The following ARHGAP36 variants were observed in gnomAD, a reference collection of about 807,000 sequenced individuals.
ARHGAP36 encodes rho GTPase-activating protein 36.
ARHGAP36 carries 7 observed loss-of-function variants against 32.9 expected under a neutral mutation model. That is an observed-to-expected ratio of 0.21 (90% CI 0.12 to 0.40). ARHGAP36 has a LOEUF of 0.40. Among genes scored for constraint, ARHGAP36 ranks in the 10% least tolerant of loss-of-function variants. The probability of loss-of-function intolerance (pLI) is 1.00; values close to 1 mark genes in which losing one functional copy is unlikely to be tolerated. For missense variants in ARHGAP36, 383 were observed against 442.2 expected (o/e 0.87, Z 1.20); for synonymous variants, 165 against 168.3 (o/e 0.98, Z 0.15).
intron 11 of ARHGAP36, among the ~76,000 whole-genome samples, chrX:131,088,092 T>C (rs778235961): frequency 6.2e-5 from 7 of 112,333 alleles, no homozygotes; most frequent in Admixed American, 5.6e-4. Flanking sequence ...CCAAAGGCAA[T>C]TCAGTTTCAT....
Position 131,083,795 on chromosome X carries a change from C to T in ARHGAP36, c.381C>T (p.Arg127=). ...AGGTCCTGGTGAACGAGTTTACCCG[C>T]CGCAAGCATCTTGAACTGACAGCCA... The part of the protein sequence containing the change: ...LEEVLVNEFT[R]RKHLELTATM... Residue 127 remains arginine, a synonymous_variant, in exon 4 of 12, where the codon CGC becomes CGT. Coordinates refer to ENST00000276211, the MANE Select transcript of ARHGAP36 (RefSeq NM_144967.4). 8.2e-7 allele frequency: 1 copy of T among 1,212,352 alleles called. No individual in the cohort carries two copies. The highest frequency in any genetic ancestry group is 1.1e-6 in the Non-Finnish European group (1 of 895,655).
intron 1 of ARHGAP36, among the ~76,000 whole-genome samples, chrX:131,078,119 A>G (rs1357745538): frequency 9.1e-6 from 1 of 110,493 alleles, no homozygotes; most frequent in African/African-American, 3.3e-5. Flanking sequence ...TTTTTTGTAA[A>G]CTCCAGCCCT....
At chrX:131,060,437 G>A (rs2079662772) in intron 1 of ARHGAP36, among the ~76,000 whole-genome samples, 1 of 111,565 alleles carries the variant, frequency 9.0e-6, no homozygotes, top group Non-Finnish European at 1.9e-5. Flanking sequence ...CGCTTCACAT[G>A]CACCACATAC....
intron 1 of ARHGAP36, among the ~76,000 whole-genome samples, chrX:131,069,313 C>T (rs1178073461): frequency 8.9e-6 from 1 of 111,820 alleles, no homozygotes; most frequent in Non-Finnish European, 1.9e-5. Flanking sequence ...CTCCGACTAC[C>T]CCGTGGCGCA....
At chrX:131,066,010 C>T (rs1234335180) in intron 1 of ARHGAP36, among the ~76,000 whole-genome samples, 2 of 111,590 alleles carry the variant, frequency 1.8e-5, no homozygotes, top group Non-Finnish European at 3.8e-5. Context: ...GGCCCTTTAG[C>T]TGTGACTGGG....
intron 1 of ARHGAP36, among the ~76,000 whole-genome samples, chrX:131,076,009 A>C (rs998822033): frequency 2.7e-5 from 3 of 111,969 alleles, no homozygotes; most frequent in Admixed American, 1.9e-4. Context: ...GGTTATTGTA[A>C]GAATAAAGTG....
In ARHGAP36 at chrX:131,081,583, C is replaced by T; in HGVS notation, c.-83C>T. 1 of 1,123,636 alleles carries T rather than the reference C, an allele frequency of 8.9e-7. No homozygotes were observed. Among genetic ancestry groups the T allele is most frequent in the Admixed American group, 2.5e-5 (1 of 39,970 alleles). 92.6% of individuals were successfully genotyped at this position (1,123,636 alleles called of 1,213,427 possible). ...AAGCCGCCTCCCAGTTTTCCCTCCC[C>T]CTCTACCCCCACCCCCATAGTTCTC... On this transcript the variant is annotated 5_prime_UTR_variant, in exon 2 of 12. Coordinates refer to ENST00000276211, the MANE Select transcript of ARHGAP36 (RefSeq NM_144967.4).
At position 131,058,370 on chromosome X, in the gene ARHGAP36, G is replaced by A; in HGVS notation, c.-217G>A. 8.9e-7 allele frequency: 1 copy of A among 1,127,427 alleles called. No homozygotes were observed. 92.9% of individuals were successfully genotyped at this position (1,127,427 alleles called of 1,213,427 possible). Reference sequence around the variant, plus strand: ...CGCAAAGGTTAACTGCGAGCTGCCGGGCACTCAGCGCGGGTCATGGCGTGG... The same window carrying A: ...CGCAAAGGTTAACTGCGAGCTGCCGAGCACTCAGCGCGGGTCATGGCGTGG... On this transcript the variant is annotated 5_prime_UTR_variant, in exon 1 of 12. Transcript: ENST00000276211.
intron 11 of ARHGAP36, among the ~76,000 whole-genome samples, chrX:131,087,157 C>T (rs1294275725): frequency 9.0e-6 from 1 of 111,632 alleles, no homozygotes; most frequent in Non-Finnish European, 1.9e-5. Flanking sequence ...CCACCAAAAT[C>T]TTAACCTTGC....
At chrX:131,073,847 T>G (rs928706972) in intron 1 of ARHGAP36, among the ~76,000 whole-genome samples, 2 of 110,703 alleles carry the variant, frequency 1.8e-5, no homozygotes, top group Admixed American at 9.6e-5. Context: ...GATGGATGGA[T>G]GGATGGATAG....
intron 1 of ARHGAP36, among the ~76,000 whole-genome samples, chrX:131,075,130 C>G (rs1396308712): frequency 1.8e-5 from 2 of 112,003 alleles, no homozygotes; most frequent in African/African-American, 6.5e-5. Flanking sequence ...AGTTTGGCTC[C>G]CAGGTATTTT....
At chrX:131,069,584 GC>G (rs1439166055) in intron 1 of ARHGAP36, among the ~76,000 whole-genome samples, 2 of 111,733 alleles carry the variant, frequency 1.8e-5, no homozygotes, top group Non-Finnish European at 3.8e-5. Context: ...TTAGAGTCTG[GC>G]AGGGGGGACA....
chrX:131,078,688 GA>G, intron 1 of ARHGAP36: 1 of 968,846 alleles, frequency 1.0e-6, no homozygotes. Flanking sequence ...CTTGTCTGGG[GA>G]CATTGGTCTT....
Position 131,086,363 on chromosome X carries a change from G to A in ARHGAP36, c.1316G>A (p.Arg439His), listed in dbSNP as rs752116998. The change falls in exon 10 of 12, where the codon CGC becomes CAC. Residue 439 changes from arginine (R) to histidine (H), a missense_variant. By Grantham distance (29) the Arg-to-His change is conservative (BLOSUM62 0). Coordinates refer to ENST00000276211, the MANE Select transcript of ARHGAP36 (RefSeq NM_144967.4). ...PPHIQRQVAK[R>H]VWKSSPEALD... ...CATATTCAGAGGCAGGTTGCTAAGC[G>A]CGTGTGGAAGTCCAGCCCGGAAGCA... 35 of 1,210,204 alleles carry A rather than the reference G, an allele frequency of 2.9e-5. No homozygotes were observed. Among genetic ancestry groups the A allele is most frequent in the South Asian group, 3.5e-5 (2 of 56,816 alleles).
At chrX:131,073,555 A>G (rs1209619593) in intron 1 of ARHGAP36, among the ~76,000 whole-genome samples, 4 of 113,110 alleles carry the variant, frequency 3.5e-5, no homozygotes, top group African/African-American at 9.6e-5. Flanking sequence ...TCTCTCTTCA[A>G]CTGCGAATAG....
chrX:131,084,767 TG>T, intron 6 of ARHGAP36, 86 bp downstream of exon 6: 1 of 1,173,005 alleles, frequency 8.5e-7, no homozygotes. Context: ...GACTACCTGG[TG>T]GGGGGAGGAG....
At position 131,070,513 on chromosome X, in the gene ARHGAP36, A is replaced by C. The variant is rs140381057; in HGVS notation, c.-142-11011A>C. ...AAGTCCCCAAGGATAGCATTGGCAC[A>C]CTCCTGGGGAGGGGAATGTTTGGGA... is the stretch of plus-strand genomic sequence containing the variant. On this transcript the variant is annotated intron_variant, in intron 1 of 11. Transcript: ENST00000276211. Among the ~76,000 whole-genome samples, 1,023 of 110,751 alleles carry C rather than the reference A, an allele frequency of 9.2e-3. 8 individuals carry two copies. The highest frequency in any genetic ancestry group is 0.032 in the African/African-American group (985 of 30,332).
intron 1 of ARHGAP36, among the ~76,000 whole-genome samples, chrX:131,080,146 C>A (rs1351989571): frequency 8.9e-6 from 1 of 111,870 alleles, no homozygotes; most frequent in Non-Finnish European, 1.9e-5. Context: ...TGATCTCATC[C>A]CTGCCCATCC....
intron 1 of ARHGAP36, among the ~76,000 whole-genome samples, chrX:131,061,185 T>C (rs999040008): frequency 1.8e-5 from 2 of 110,737 alleles, no homozygotes; most frequent in Non-Finnish European, 3.8e-5. Context: ...ATCACTCTTT[T>C]GTTGATGTTT....
Sources: gnomAD v4.1 joint callset for allele counts (sites outside exome capture counted in the v4.1 genomes callset) on GRCh38, gnomAD v4.1.1 for gene constraint, MANE v1.5 for transcripts, NCBI Gene and HGNC (gene_info 2026-07-23, HGNC 2026-07-21) for gene names.